The following FMN1 variants were observed in gnomAD, a reference collection of about 807,000 sequenced individuals.
The protein encoded by FMN1 is formin 1.
Under a neutral mutation model 132.4 loss-of-function variants are expected in FMN1, and 110 were observed. The observed-to-expected ratio is 0.83, with a 90% CI of 0.71 to 0.97. The LOEUF (loss-of-function observed/expected upper bound fraction) is 0.97, where lower values mean the gene tolerates loss of function less well. Among genes scored for constraint, FMN1 ranks in the 50% least tolerant of loss-of-function variants. The pLI, the probability that FMN1 is intolerant of heterozygous loss-of-function variation, is 0.00. For synonymous variants in FMN1, 722 were observed against 651.7 expected (o/e 1.11, Z -1.64); for missense variants, 1,792 against 1,705.3 (o/e 1.05, Z -0.90).
chr15:32,930,334 C>T (rs879552386), intron 9 of FMN1, among the ~76,000 whole-genome samples: 11 of 151,936 alleles, frequency 7.2e-5, no homozygotes, highest in Non-Finnish European at 1.0e-4. Context: ...ATAGTGACTA[C>T]ACCATTTTAC....
intron 4 of FMN1, among the ~76,000 whole-genome samples, chr15:33,128,838 G>GTT (rs1963397644): frequency 6.6e-6 from 1 of 151,918 alleles, no homozygotes; most frequent in Non-Finnish European, 1.5e-5. Flanking sequence ...TCCGCAATGC[G>GTT]GAAGACAACC....
At chr15:32,994,841 TGTAA>T (rs2033668077) in intron 7 of FMN1, among the ~76,000 whole-genome samples, 1 of 152,210 alleles carries the variant, frequency 6.6e-6, no homozygotes, top group Admixed American at 6.5e-5. Context: ...GTACTGTCTC[TGTAA>T]GTACATTAAG....
chr15:32,898,474 T>C (rs924016313), intron 15 of FMN1, among the ~76,000 whole-genome samples: 1 of 152,186 alleles, frequency 6.6e-6, no homozygotes, highest in African/African-American at 2.4e-5. Flanking sequence ...GAGTCTTACT[T>C]TCCTAAATTT....
At chr15:33,176,823 C>T (rs1965531892) in intron 3 of FMN1, among the ~76,000 whole-genome samples, 1 of 152,170 alleles carries the variant, frequency 6.6e-6, no homozygotes, top group South Asian at 2.1e-4. Context: ...AGGAATCCAG[C>T]TTCACTTAAA....
chr15:32,785,218 A>ATATATATATATATTTTTTT, intron 19 of FMN1, among the ~76,000 whole-genome samples: 1 of 39,202 alleles, frequency 2.6e-5, no homozygotes, highest in Non-Finnish European at 4.5e-5. Flanking sequence ...ATATATATAT[A>ATATATATATATATTTTTTT]TTTTTTTTTT....
intron 17 of FMN1, among the ~76,000 whole-genome samples, chr15:32,835,520 T>C (rs891541545): frequency 6.6e-6 from 1 of 152,182 alleles, no homozygotes; most frequent in Non-Finnish European, 1.5e-5. Flanking sequence ...TTTTGGTGTG[T>C]GTTCTAAGTT....
chr15:32,997,540 C>T (rs375253092), intron 7 of FMN1, among the ~76,000 whole-genome samples: 54 of 152,244 alleles, frequency 3.5e-4, no homozygotes, highest in Admixed American at 2.0e-3. Flanking sequence ...CACTTGACTC[C>T]GCTGGGTCTC....
Position 32,774,090 on chromosome 15 carries a change from G to A in FMN1, c.*220C>T. 1.8e-6 allele frequency: 1 copy of A among 541,086 alleles called. No homozygotes were observed. The highest frequency in any genetic ancestry group is 2.7e-5 in the South Asian group (1 of 37,534). The allele number at this position is 541,086 out of a possible 1,614,324, so 33.5% of individuals were successfully genotyped here. On this transcript the variant is annotated 3_prime_UTR_variant, in exon 21 of 21. Transcript: ENST00000616417. ...CAAGAAACAGTCATCAAATATTTCT[G>A]CAATGTTCCCTTAAATAGTTTTCCA...
At chr15:32,777,743 TTA>T (rs1193365863) in intron 19 of FMN1, among the ~76,000 whole-genome samples, 1 of 140,908 alleles carries the variant, frequency 7.1e-6, no homozygotes, top group African/African-American at 2.6e-5. Flanking sequence ...ATACATTTAC[TTA>T]TATATTATGT....
intron 9 of FMN1, among the ~76,000 whole-genome samples, chr15:32,961,749 T>C (rs2030580928): frequency 6.6e-6 from 1 of 152,146 alleles, no homozygotes; most frequent in African/African-American, 2.4e-5. Context: ...TGAGCAGATA[T>C]CATCTCAGGC....
intron 7 of FMN1, among the ~76,000 whole-genome samples, chr15:32,979,163 T>C (rs2032441848): frequency 6.6e-6 from 1 of 152,114 alleles, no homozygotes; most frequent in South Asian, 2.1e-4. Flanking sequence ...CCTGGTAGAA[T>C]GCAAACAGGT....
At chr15:33,071,450 C>G (rs942674872) in intron 5 of FMN1, among the ~76,000 whole-genome samples, 2 of 152,154 alleles carry the variant, frequency 1.3e-5, no homozygotes, top group Non-Finnish European at 2.9e-5. Context: ...TAAATGAGCA[C>G]CAACAATGAA....
At chr15:32,841,094 G>A (rs1028117938) in intron 17 of FMN1, among the ~76,000 whole-genome samples, 1 of 152,138 alleles carries the variant, frequency 6.6e-6, no homozygotes, top group African/African-American at 2.4e-5. Flanking sequence ...TTTTTGCTTG[G>A]AACTTCTCCC....
chr15:33,150,949 C>T (rs901446007), intron 4 of FMN1: 3 of 1,049,430 alleles, frequency 2.9e-6, no homozygotes, highest in African/African-American at 3.3e-5. Flanking sequence ...TCTGAGCCCT[C>T]TTCTGGGTTT....
chr15:33,125,888 G>C (rs1356096012), intron 4 of FMN1, among the ~76,000 whole-genome samples: 1 of 151,556 alleles, frequency 6.6e-6, no homozygotes, highest in East Asian at 1.9e-4. Context: ...TGACTGATTG[G>C]CTATAGCCTA....
In FMN1 at chr15:33,154,188, T is replaced by A. The variant is rs1017303842; in HGVS notation, c.727A>T (p.Thr243Ser). The change falls in exon 4 of 21, where the codon ACG becomes TCG. Residue 243 changes from threonine (T) to serine (S), a missense_variant. Thr to Ser is a moderately conservative substitution (Grantham distance 58). This residue lies in a region of FMN1 where 638 missense variants were observed against 645.2 expected (regional missense o/e 0.99). Transcript: ENST00000616417. ...CCAAAGCCAAGGTCTGTGTCTGGCGTCTTGGGAATATCTGGGGGGCAGCTC... is the reference window on the plus strand; with the variant it reads ...CCAAAGCCAAGGTCTGTGTCTGGCGACTTGGGAATATCTGGGGGGCAGCTC... Reference protein sequence around the residue: ...RESCPPDIPKTPDTDLGFGSF... With the variant: ...RESCPPDIPKSPDTDLGFGSF... 2 of 1,536,326 alleles carry A rather than the reference T, an allele frequency of 1.3e-6. No individual in the cohort carries two copies. The highest frequency in any genetic ancestry group is 1.7e-6 in the Non-Finnish European group (2 of 1,146,962).
Position 32,770,143 on chromosome 15 carries a change from T to G in FMN1, c.*4167A>C, listed in dbSNP as rs2056181447. The G allele has an allele frequency of 6.6e-6, 1 of 152,110 alleles. No homozygotes were observed. The allele number at this position is 152,110 out of a possible 1,614,324, so 9.4% of individuals were successfully genotyped here. On this transcript the variant is annotated 3_prime_UTR_variant, in exon 21 of 21. Coordinates refer to ENST00000616417, the MANE Select transcript of FMN1 (RefSeq NM_001277313.2). The stretch of plus-strand genomic sequence containing the variant: ...TGTTGTTTTTGTGGATGGAGATGAG[T>G]ACTACAAAATTGACCAATTTAGTAT...
intron 20 of FMN1, among the ~76,000 whole-genome samples, chr15:32,774,899 A>G (rs1258733): frequency 0.97 from 147,339 of 152,248 alleles, 71,489 homozygotes; most frequent in East Asian, 1. Context: ...TCCTCCTCAG[A>G]GACTGCCTTC....
rs549432106 is a variant in FMN1, at chr15:33,008,103, T to G, written c.2162-28A>C. The G allele has an allele frequency of 4.8e-4, 739 of 1,554,020 alleles. 13 individuals are homozygous for G. In the South Asian group the frequency reaches 7.8e-3, roughly 16 times the overall value. ...GTAAAATCAAAAAAGAGGCCAATTATAAAGAAGTACAAAATTAAGCACAAA... is the reference window on the plus strand; with the variant it reads ...GTAAAATCAAAAAAGAGGCCAATTAGAAAGAAGTACAAAATTAAGCACAAA... On this transcript the variant is annotated intron_variant, in intron 6 of 20. Coordinates refer to ENST00000616417, the MANE Select transcript of FMN1 (RefSeq NM_001277313.2).
Sources: allele counts gnomAD v4.1 joint callset (sites outside exome capture counted in the v4.1 genomes callset), GRCh38; gene constraint gnomAD v4.1.1; regional missense constraint gnomAD v4.1.1; transcripts MANE v1.5; gene names NCBI Gene and HGNC (gene_info 2026-07-23, HGNC 2026-07-21).